MAST2: variants seen among roughly 807,000 people sequenced by gnomAD.
MAST2 encodes the protein microtubule associated serine/threonine kinase 2, also known as microtubule-associated serine/threonine-protein kinase 2.
A neutral mutation model predicts 147.4 loss-of-function variants in MAST2; 70 were observed. The ratio of observed to expected loss-of-function variants is 0.47; its 90% CI spans 0.39 to 0.58. MAST2 has a LOEUF of 0.58. Among genes scored for constraint, MAST2 ranks in the 20% least tolerant of loss-of-function variants. The pLI is 0.00. For missense variants in MAST2, 2,080 were observed against 2,302.3 expected (o/e 0.90, Z 1.98); for synonymous variants, 869 against 896.8 (o/e 0.97, Z 0.55).
At chr1:45,913,544 G>T in intron 4 of MAST2, 1 of 972,958 alleles carries the variant, frequency 1.0e-6, no homozygotes, top group Non-Finnish European at 1.2e-6. Context: ...CTGATTTGTT[G>T]CTGGCTGAGT....
At chr1:46,013,737 C>A (rs1571208873) in intron 10 of MAST2, among the ~76,000 whole-genome samples, 1 of 151,788 alleles carries the variant, frequency 6.6e-6, no homozygotes, top group East Asian at 1.9e-4. Context: ...CTAGGCCCAG[C>A]AGTGTAGCTG....
At chr1:45,957,020 C>G (rs985740837) in intron 4 of MAST2, among the ~76,000 whole-genome samples, 1 of 152,140 alleles carries the variant, frequency 6.6e-6, no homozygotes, top group Non-Finnish European at 1.5e-5. Flanking sequence ...TCCCTTTTAG[C>G]GCATGTGTCA....
At chr1:45,904,155 T>C (rs1191080700) in intron 4 of MAST2, among the ~76,000 whole-genome samples, 1 of 150,728 alleles carries the variant, frequency 6.6e-6, no homozygotes, top group African/African-American at 2.4e-5. Context: ...TGTGTGCCAC[T>C]GCACCCAGCT....
intron 3 of MAST2, among the ~76,000 whole-genome samples, chr1:45,856,588 G>T (rs1254930821): frequency 6.6e-6 from 1 of 152,080 alleles, no homozygotes; most frequent in East Asian, 1.9e-4. Flanking sequence ...GTTTGGTTTG[G>T]CTTGCTTCTG....
At chr1:45,981,377 T>TA (rs150819731) in intron 5 of MAST2, among the ~76,000 whole-genome samples, 30,360 of 151,866 alleles carry the variant, frequency 0.2, 3,536 homozygotes, top group Non-Finnish European at 0.26. Flanking sequence ...TGGCTGAGGC[T>TA]AGGGTTTTTT....
intron 25 of MAST2, 44 bp from the exon 26 acceptor site, chr1:46,032,551 TC>T (rs1197846297): frequency 6.2e-7 from 1 of 1,606,918 alleles, no homozygotes; most frequent in South Asian, 1.1e-5. Context: ...GCCCCATACT[TC>T]GTGTTCAGGC....
intron 4 of MAST2, among the ~76,000 whole-genome samples, chr1:45,928,486 A>T (rs941626222): frequency 1.3e-5 from 2 of 152,214 alleles, no homozygotes; most frequent in Admixed American, 6.5e-5. Flanking sequence ...ATTTTATATA[A>T]TGAAAGAGGA....
rs376329908 is a variant in MAST2, at chr1:46,035,569, A to G, written c.4900A>G (p.Thr1634Ala). ...TQALTALSPS[T>A]SGLTPTSSCS... ...GGCACTAACAGCACTTTCTCCCAGCACTTCGGGACTCACCCCCACCAGCAG... is the reference window on the plus strand; with the variant it reads ...GGCACTAACAGCACTTTCTCCCAGCGCTTCGGGACTCACCCCCACCAGCAG... The change falls in exon 29 of 29, where the codon ACT (threonine) becomes GCT (alanine). Residue 1634 changes from threonine (T) to alanine (A), a missense_variant. Physicochemically the swap from Thr to Ala is moderately conservative, Grantham distance 58 (BLOSUM62 0). Transcript: ENST00000361297. This position sits in a 1 kb window ranked among gnomAD's most constrained non-coding sequence, Gnocchi z 5.5. 1 of 1,613,418 alleles carries G rather than the reference A, an allele frequency of 6.2e-7. No individual in the cohort carries two copies. The highest frequency in any genetic ancestry group is 1.3e-5 in the African/African-American group (1 of 74,832).
intron 4 of MAST2, among the ~76,000 whole-genome samples, chr1:45,894,137 G>T (rs1179152776): frequency 6.6e-6 from 1 of 152,042 alleles, no homozygotes; most frequent in South Asian, 2.1e-4. Context: ...GATTGCTTGA[G>T]CCTGGGAGGT....
In MAST2 at chr1:45,848,484, A is replaced by G. The variant is rs1174149854; in HGVS notation, c.468+18903A>G. 3.5e-4 allele frequency among the ~76,000 whole-genome samples: 54 copies of G among 152,206 alleles called. 1 individual carries two copies. Among genetic ancestry groups the G allele is most frequent in the Non-Finnish European group, 1.5e-5 (1 of 68,026 alleles). On this transcript the variant is annotated intron_variant, in intron 3 of 28. Coordinates refer to ENST00000361297, the MANE Select transcript of MAST2 (RefSeq NM_015112.3). Reference sequence around the variant, plus strand: ...GAGCTTTCCTGGTAGACAACATTTCATGGATATAGTTACTAGGTGTTGCTG... The same window carrying G: ...GAGCTTTCCTGGTAGACAACATTTCGTGGATATAGTTACTAGGTGTTGCTG...
At chr1:46,004,641 T>C (rs1432039167) in intron 7 of MAST2, among the ~76,000 whole-genome samples, 3 of 152,232 alleles carry the variant, frequency 2.0e-5, no homozygotes, top group Admixed American at 2.0e-4. Flanking sequence ...TCTCACTCGC[T>C]GTTTATAACT....
chr1:45,911,060 C>T (rs1651582011), intron 4 of MAST2, among the ~76,000 whole-genome samples: 1 of 152,106 alleles, frequency 6.6e-6, no homozygotes, highest in South Asian at 2.1e-4. Flanking sequence ...GTGAGAAGCC[C>T]ATAGCAGAGG....
At position 45,997,732 on chromosome 1, in the gene MAST2, C is replaced by T. The variant is rs962265847; in HGVS notation, c.601C>T (p.Pro201Ser). Residue 201 changes from proline (P) to serine (S), a missense_variant, in exon 6 of 29, where the codon CCT becomes TCT. By Grantham distance (74) the Pro-to-Ser change is moderately conservative (BLOSUM62 -1). This residue lies in a region of MAST2 where 569 missense variants were observed against 642.5 expected (regional missense o/e 0.89). Transcript: ENST00000361297. ...TCTTTTCCCATCCACAGGTAACAGT[C>T]CTTTGGACAGCCCCCGGAATTTCTC... ...SPLHGHTGNS[P>S]LDSPRNFSPN... The T allele has an allele frequency of 6.2e-7, 1 of 1,614,016 alleles. No homozygotes were observed. Among genetic ancestry groups the T allele is most frequent in the Admixed American group, 1.7e-5 (1 of 60,028 alleles).
At chr1:45,905,434 G>T (rs959387220) in intron 4 of MAST2, among the ~76,000 whole-genome samples, 7 of 152,032 alleles carry the variant, frequency 4.6e-5, no homozygotes, top group African/African-American at 1.7e-4. Flanking sequence ...TGATCTGCCC[G>T]TCTTGGCCTC....
Position 45,980,413 on chromosome 1 carries a change from G to A in MAST2, c.593-17311G>A, listed in dbSNP as rs145166018. Reference sequence around the variant, plus strand: ...ATCGTACCCCAAACCTCAGCATCACGCAATATACCCAGGTAATAAACCTGA... The same window carrying A: ...ATCGTACCCCAAACCTCAGCATCACACAATATACCCAGGTAATAAACCTGA... On this transcript the variant is annotated intron_variant, in intron 5 of 28. Transcript: ENST00000361297. 6.0e-4 allele frequency among the ~76,000 whole-genome samples: 92 copies of A among 152,078 alleles called. 1 individual carries two copies. The highest frequency in any genetic ancestry group is 2.0e-3 in the African/African-American group (81 of 41,486).
At chr1:45,876,889 T>C (rs993830610) in intron 3 of MAST2, among the ~76,000 whole-genome samples, 5 of 152,198 alleles carry the variant, frequency 3.3e-5, no homozygotes, top group African/African-American at 1.2e-4. Flanking sequence ...AATTTTATTA[T>C]TGTTAGCCAA....
intron 15 of MAST2, among the ~76,000 whole-genome samples, chr1:46,025,433 T>C (rs1646367560): frequency 6.6e-6 from 1 of 152,156 alleles, no homozygotes; most frequent in Admixed American, 6.5e-5. Context: ...CCAGGTCCCT[T>C]CCCACAACAC....
At chr1:45,900,221 T>A (rs1442781724) in intron 4 of MAST2, among the ~76,000 whole-genome samples, 1 of 143,708 alleles carries the variant, frequency 7.0e-6, no homozygotes, top group Non-Finnish European at 1.5e-5. Context: ...AGATAGCCAG[T>A]AGTGGGATTG....
At chr1:45,978,541 A>G (rs546487096) in intron 5 of MAST2, among the ~76,000 whole-genome samples, 3 of 152,296 alleles carry the variant, frequency 2.0e-5, no homozygotes, top group African/African-American at 7.2e-5. Flanking sequence ...AAAATGCAAA[A>G]TAAAATCACA....
Sources: gnomAD v4.1 joint callset for allele counts (sites outside exome capture counted in the v4.1 genomes callset) on GRCh38, gnomAD v4.1.1 for gene constraint, gnomAD v4.1.1 regional missense constraint, Gnocchi (gnomAD v3.1) non-coding constraint, MANE v1.5 for transcripts, NCBI Gene and HGNC (gene_info 2026-07-23, HGNC 2026-07-21) for gene names.